Variants in RBL1 observed in about 807,000 individuals in gnomAD.
The protein encoded by RBL1 is RB transcriptional corepressor like 1, also known as retinoblastoma-like protein 1.
A neutral mutation model predicts 123.0 loss-of-function variants in RBL1; 82 were observed. That is an observed-to-expected ratio of 0.67 (90% CI 0.56 to 0.80). The LOEUF (loss-of-function observed/expected upper bound fraction) is 0.80. Ranked by LOEUF, RBL1 falls within the 30% of genes least tolerant of loss-of-function variation. The pLI, the probability that RBL1 is intolerant of heterozygous loss-of-function variation, is 0.00. For missense variants in RBL1, 1,171 were observed against 1,299.6 expected, an observed-to-expected ratio of 0.90 and a Z score of 1.52; for synonymous variants, 405 against 441.3, an observed-to-expected ratio of 0.92 and a Z score of 1.03.
intron 2 of RBL1, among the ~76,000 whole-genome samples, chr20:37,069,274 G>T (rs2065238787): frequency 6.6e-6 from 1 of 152,232 alleles, no homozygotes; most frequent in Admixed American, 6.5e-5. Context: ...TCTGGGAAGT[G>T]AGGAGCGTCT....
chr20:36,999,509 C>T (rs2063930578), intron 21 of RBL1, among the ~76,000 whole-genome samples: 1 of 150,158 alleles, frequency 6.7e-6, no homozygotes, highest in South Asian at 2.1e-4. Context: ...GTCTCCCTCT[C>T]CCTCTCTTTC....
At chr20:37,074,413 C>CAA (rs2065330404) in intron 2 of RBL1, among the ~76,000 whole-genome samples, 1 of 107,736 alleles carries the variant, frequency 9.3e-6, no homozygotes, top group Non-Finnish European at 1.8e-5. Context: ...GACCCTGTCT[C>CAA]AGAAAAAAAA....
At chr20:37,091,183 C>A (rs2065640127) in intron 1 of RBL1, among the ~76,000 whole-genome samples, 1 of 151,956 alleles carries the variant, frequency 6.6e-6, no homozygotes, top group African/African-American at 2.4e-5. Flanking sequence ...GTGGCGAAAC[C>A]CCGTCTCTAC....
In RBL1 at chr20:37,073,058, C is replaced by T. The variant is rs780382757; in HGVS notation, c.291-4872G>A. The stretch of plus-strand genomic sequence containing the variant: ...GCTTGACTTCCTGGGCTCAAGCAAT[C>T]GATCCTCCCGCTCCAGCCTCCCAAG... On this transcript the variant is annotated intron_variant, in intron 2 of 21. Coordinates refer to ENST00000373664, the MANE Select transcript of RBL1 (RefSeq NM_002895.5). Among the ~76,000 whole-genome samples the T allele has an allele frequency of 1.1e-3, 161 of 152,044 alleles. 2 individuals carry two copies. Among genetic ancestry groups the T allele is most frequent in the East Asian group, 7.7e-4 (4 of 5,188 alleles).
At position 36,996,629 on chromosome 20, in the gene RBL1, G is replaced by A. The variant is rs1270838455; in HGVS notation, c.*2130C>T. The A allele has an allele frequency of 6.6e-6, 1 of 152,164 alleles. No homozygotes were observed. The highest frequency in any genetic ancestry group is 1.5e-5 in the Non-Finnish European group (1 of 68,082). 9.4% of individuals were successfully genotyped at this position (152,164 alleles called of 1,614,324 possible). ...AACTAATTTTTTTATTTTTTGTAGAGATGAGGGCTATGTTGCCCAGGTTAG... is the reference window on the plus strand; with the variant it reads ...AACTAATTTTTTTATTTTTTGTAGAAATGAGGGCTATGTTGCCCAGGTTAG... On this transcript the variant is annotated 3_prime_UTR_variant, in exon 22 of 22. Transcript: ENST00000373664.
chr20:37,067,132 G>GAAA lies in RBL1; in HGVS notation c.557-14_557-12dup. 3.8e-5 allele frequency: 54 copies of GAAA among 1,424,084 alleles called. No individual in the cohort carries two copies. Among genetic ancestry groups the GAAA allele is most frequent in the Middle Eastern group, 1.9e-4 (1 of 5,274 alleles). The allele number at this position is 1,424,084 out of a possible 1,614,324, so 88.2% of individuals were successfully genotyped here. On this transcript the variant is annotated splice_polypyrimidine_tract_variant and intron_variant, in intron 4 of 21. Transcript: ENST00000373664. ...TCATCCGAAAATTACCTTTATAAGG[G>GAAA]AAAAAAAAAAAAAAAAGACACAAAA... is the stretch of plus-strand genomic sequence containing the variant.
rs2064777421 is a variant in RBL1 at position 37,044,101 on chromosome 20, A to G, written c.1755T>C (p.Val585=). ...WEALQVSANK[V]PTCEEVIFPN... ...CCAGACTCACTTCTTCACAGGTAGG[A>G]ACTTTGTTTGCAGAAACCTGGAGAG... Residue 585 remains valine (V), a synonymous_variant, in exon 13 of 22, where the codon GTT becomes GTC. Coordinates refer to ENST00000373664, the MANE Select transcript of RBL1 (RefSeq NM_002895.5). 1.2e-6 allele frequency: 2 copies of G among 1,609,142 alleles called. No individual in the cohort carries two copies. The highest frequency in any genetic ancestry group is 1.4e-5 in the African/African-American group (1 of 73,998).
At chr20:37,077,894 T>A (rs575573530) in intron 2 of RBL1, among the ~76,000 whole-genome samples, 1 of 152,296 alleles carries the variant, frequency 6.6e-6, no homozygotes, top group South Asian at 2.1e-4. Context: ...AATTTAAAAT[T>A]TACCAATTGT....
chr20:37,090,772 T>TACTA (rs757680721), intron 1 of RBL1, among the ~76,000 whole-genome samples: 2 of 152,208 alleles, frequency 1.3e-5, no homozygotes, highest in Admixed American at 6.5e-5. Context: ...CATGTTACTA[T>TACTA]ACTAAATACT....
intron 21 of RBL1, among the ~76,000 whole-genome samples, chr20:37,001,139 C>T (rs1426492927): frequency 6.8e-5 from 10 of 147,094 alleles, no homozygotes; most frequent in South Asian, 2.2e-4. Context: ...GTCAGCCCCC[C>T]GCCCGGCCAG....
At position 37,004,916 on chromosome 20, in the gene RBL1, G is replaced by A. The variant is rs79114868; in HGVS notation, c.2872-1050C>T. ...AAATTAGCCAGGTGTGGTGGCGTGCGCCTATAGTCCCTGCCACTCGGGAGG... is the reference window on the plus strand; with the variant it reads ...AAATTAGCCAGGTGTGGTGGCGTGCACCTATAGTCCCTGCCACTCGGGAGG... On this transcript the variant is annotated intron_variant, in intron 20 of 21. Coordinates refer to ENST00000373664, the MANE Select transcript of RBL1 (RefSeq NM_002895.5). Among the ~76,000 whole-genome samples the A allele has an allele frequency of 1.4e-3, 219 of 151,638 alleles. 1 individual carries two copies. The highest frequency in any genetic ancestry group is 3.3e-3 in the African/African-American group (138 of 41,316).
At chr20:37,001,918 TAAAAA>T (rs757774894) in intron 21 of RBL1, among the ~76,000 whole-genome samples, 2 of 86,542 alleles carry the variant, frequency 2.3e-5, no homozygotes, top group East Asian at 7.9e-4. Context: ...TGCAGAACAA[TAAAAA>T]AAAAAAAAAA....
chr20:37,020,234 G>A (rs1463546376), intron 18 of RBL1, among the ~76,000 whole-genome samples: 10 of 151,900 alleles, frequency 6.6e-5, no homozygotes, highest in African/African-American at 1.5e-4. Context: ...GATTATAGGC[G>A]TGTGACACCA....
chr20:37,070,977 C>A (rs1255177292), intron 2 of RBL1, among the ~76,000 whole-genome samples: 1 of 151,988 alleles, frequency 6.6e-6, no homozygotes, highest in Non-Finnish European at 1.5e-5. Flanking sequence ...CTCACTGCAA[C>A]CTCTGCATCC....
chr20:37,025,087 T>C (rs1341935675), intron 16 of RBL1, among the ~76,000 whole-genome samples: 1 of 152,218 alleles, frequency 6.6e-6, no homozygotes, highest in Admixed American at 6.6e-5. Flanking sequence ...AAATGAGCTA[T>C]AATTGAAAGG....
chr20:37,069,944 C>T (rs1025925840), intron 2 of RBL1, among the ~76,000 whole-genome samples: 6 of 152,236 alleles, frequency 3.9e-5, no homozygotes, highest in Admixed American at 1.3e-4. Flanking sequence ...CCCCTCTGCC[C>T]GGCCACCACC....
At chr20:37,049,647 T>C (rs2064874107) in intron 11 of RBL1, 1 of 755,218 alleles carries the variant, frequency 1.3e-6, no homozygotes, top group Non-Finnish European at 2.4e-6. Context: ...CAAGCCACTT[T>C]GACAGACATT....
In RBL1 at chr20:37,054,736, A is replaced by G. The variant is rs147237097; in HGVS notation, c.1467+817T>C. Among the ~76,000 whole-genome samples the G allele has an allele frequency of 4.9e-3, 748 of 151,306 alleles. 10 individuals carry two copies. The highest frequency in any genetic ancestry group is 0.031 in the East Asian group (157 of 5,040). On this transcript the variant is annotated intron_variant, in intron 11 of 21. Transcript: ENST00000373664. ...CCCCAGCTACTCAAGAGGCTGAGGC[A>G]TAAGAATCACCTGAACCCAGGAGAT...
intron 11 of RBL1, among the ~76,000 whole-genome samples, chr20:37,051,751 A>C (rs1055230697): frequency 6.6e-6 from 1 of 152,116 alleles, no homozygotes. Context: ...AAACAAAAAT[A>C]AAATGGCAGA....
Sources: allele counts gnomAD v4.1 joint callset (sites outside exome capture counted in the v4.1 genomes callset), GRCh38; gene constraint gnomAD v4.1.1; transcripts MANE v1.5; gene names NCBI Gene and HGNC (gene_info 2026-07-23, HGNC 2026-07-21).